The following KIAA1549L variants were observed in gnomAD, a reference collection of about 807,000 sequenced individuals.
KIAA1549L encodes the protein KIAA1549 like, also known as UPF0606 protein KIAA1549L.
In KIAA1549L, 88 loss-of-function variants were observed where a neutral mutation model predicts 160.7. The observed-to-expected ratio is 0.55, with a 90% CI of 0.46 to 0.65. The LOEUF (loss-of-function observed/expected upper bound fraction) is 0.65. Ranked by LOEUF, KIAA1549L falls within the 30% of genes least tolerant of loss-of-function variation. KIAA1549L has a pLI of 0.00. For missense variants in KIAA1549L, 2,258 were observed against 2,437.5 expected, an observed-to-expected ratio of 0.93 and a Z score of 1.55; for synonymous variants, 950 against 976.7, an observed-to-expected ratio of 0.97 and a Z score of 0.51.
At chr11:33,530,259 G>A (rs1443556323) in intron 1 of KIAA1549L, among the ~76,000 whole-genome samples, 5 of 144,488 alleles carry the variant, frequency 3.5e-5, no homozygotes, top group East Asian at 2.0e-4. Flanking sequence ...AAAATTAGCC[G>A]GGCGTGATAG....
chr11:33,523,922 T>G (rs1469517372), intron 1 of KIAA1549L, among the ~76,000 whole-genome samples: 1 of 152,218 alleles, frequency 6.6e-6, no homozygotes, highest in South Asian at 2.1e-4. Context: ...TTTATTTATG[T>G]ACATATTTTG....
intron 6 of KIAA1549L, among the ~76,000 whole-genome samples, chr11:33,554,792 C>T: frequency 6.6e-6 from 1 of 152,116 alleles, no homozygotes; most frequent in Middle Eastern, 3.2e-3. Context: ...AAATGGTTCC[C>T]TGAGGAAAAT....
rs1281478705 is a variant in KIAA1549L at position 33,674,018 on chromosome 11, T to C, written c.*5864T>C. 6.6e-6 allele frequency: 1 copy of C among 152,250 alleles called. No individual in the cohort carries two copies. The highest frequency in any genetic ancestry group is 1.5e-5 in the Non-Finnish European group (1 of 68,038). The allele number at this position is 152,250 out of a possible 1,614,324, so 9.4% of individuals were successfully genotyped here. A position where few individuals can be genotyped will look rare whatever the true frequency, so the allele number is the denominator to read the frequency against. On this transcript the variant is annotated 3_prime_UTR_variant, in exon 21 of 21. Coordinates refer to ENST00000658780, the MANE Select transcript of KIAA1549L (RefSeq NM_012194.3). Reference sequence around the variant, plus strand: ...CTTTCTAATGAACTTTGTACGTCCTTAGCCTCTGCCGGGAACAGAGTGTTC... The same window carrying C: ...CTTTCTAATGAACTTTGTACGTCCTCAGCCTCTGCCGGGAACAGAGTGTTC...
chr11:33,423,224 A>G (rs1851054710), intron 1 of KIAA1549L, among the ~76,000 whole-genome samples: 1 of 152,206 alleles, frequency 6.6e-6, no homozygotes, highest in Non-Finnish European at 1.5e-5. Flanking sequence ...TTGAGACACT[A>G]AAAGGGTTAG....
rs192457230 is a variant in KIAA1549L, at chr11:33,455,429, A to C, written c.238+78540A>C. On this transcript the variant is annotated intron_variant, in intron 1 of 20. Transcript: ENST00000658780. ...TACTTTTGGACATTAAAGCTTTAGA[A>C]AGTCAGGGGGAGACAAGATTCCTGG... Among the ~76,000 whole-genome samples the C allele has an allele frequency of 3.9e-5, 6 of 152,336 alleles. 1 individual carries two copies. Among genetic ancestry groups the C allele is most frequent in the Admixed American group, 3.9e-4 (6 of 15,306 alleles).
At chr11:33,406,530 A>T in intron 1 of KIAA1549L, among the ~76,000 whole-genome samples, 1 of 152,234 alleles carries the variant, frequency 6.6e-6, no homozygotes, top group Non-Finnish European at 1.5e-5. Context: ...TAGATGGGGA[A>T]GCTGGAACTC....
intron 9 of KIAA1549L, among the ~76,000 whole-genome samples, chr11:33,569,770 C>T (rs1448095320): frequency 2.6e-5 from 4 of 152,136 alleles, no homozygotes; most frequent in East Asian, 1.9e-4. Flanking sequence ...GTTAAGCTTG[C>T]GTGTCAGGTT....
At chr11:33,406,380 A>C (rs1463122400) in intron 1 of KIAA1549L, among the ~76,000 whole-genome samples, 2 of 152,144 alleles carry the variant, frequency 1.3e-5, no homozygotes, top group Non-Finnish European at 2.9e-5. Flanking sequence ...TCACACGTGC[A>C]CGGGCCATAT....
intron 1 of KIAA1549L, among the ~76,000 whole-genome samples, chr11:33,424,451 GT>G (rs912874826): frequency 6.6e-6 from 1 of 151,752 alleles, no homozygotes; most frequent in Non-Finnish European, 1.5e-5. Flanking sequence ...GCCTGTTTTT[GT>G]TTCCTAATCT....
chr11:33,613,712 G>GT (rs1850706613), intron 15 of KIAA1549L, among the ~76,000 whole-genome samples: 1 of 151,990 alleles, frequency 6.6e-6, no homozygotes, highest in African/African-American at 2.4e-5. Context: ...ATGAGATATG[G>GT]GTGGAGACAA....
intron 1 of KIAA1549L, among the ~76,000 whole-genome samples, chr11:33,438,683 G>A (rs1851429800): frequency 6.6e-6 from 1 of 152,162 alleles, no homozygotes; most frequent in Non-Finnish European, 1.5e-5. Context: ...CTTTGGAATT[G>A]CTGTCATTTA....
At chr11:33,531,636 T>C (rs1479779319) in intron 1 of KIAA1549L, among the ~76,000 whole-genome samples, 2 of 152,226 alleles carry the variant, frequency 1.3e-5, no homozygotes, top group East Asian at 3.8e-4. Flanking sequence ...CAGAATCTTC[T>C]ATTTGCTGGC....
intron 1 of KIAA1549L, among the ~76,000 whole-genome samples, chr11:33,490,729 A>T (rs903994817): frequency 2.6e-5 from 4 of 152,212 alleles, no homozygotes; most frequent in Non-Finnish European, 5.9e-5. Context: ...GCAGTTAGAA[A>T]TGTTAGCAGG....
intron 1 of KIAA1549L, among the ~76,000 whole-genome samples, chr11:33,475,669 A>G (rs1171874158): frequency 6.7e-6 from 1 of 150,300 alleles, no homozygotes; most frequent in Non-Finnish European, 1.5e-5. Context: ...TCTGGGCAAT[A>G]TAGCAAGACC....
chr11:33,583,820 G>A (rs1335768847), intron 11 of KIAA1549L, among the ~76,000 whole-genome samples: 2 of 152,130 alleles, frequency 1.3e-5, no homozygotes, highest in Non-Finnish European at 2.9e-5. Flanking sequence ...GACATGAAAG[G>A]GATTTTAGAG....
intron 11 of KIAA1549L, among the ~76,000 whole-genome samples, chr11:33,585,817 T>C (rs1849853072): frequency 6.6e-6 from 1 of 152,236 alleles, no homozygotes; most frequent in Non-Finnish European, 1.5e-5. Context: ...TAGCTCCTTC[T>C]GCGTCCTACT....
chr11:33,601,816 C>T (rs573267678), intron 13 of KIAA1549L, among the ~76,000 whole-genome samples: 1 of 152,198 alleles, frequency 6.6e-6, no homozygotes, highest in African/African-American at 2.4e-5. Flanking sequence ...TTCTGCTAGC[C>T]AGATGGCTGG....
At position 33,542,752 on chromosome 11, in the gene KIAA1549L, G is replaced by A. The variant is rs1228044310; in HGVS notation, c.1189G>A (p.Val397Met). 1.2e-6 allele frequency: 2 copies of A among 1,613,880 alleles called. No homozygotes were observed. Among genetic ancestry groups the A allele is most frequent in the African/African-American group, 2.7e-5 (2 of 74,956 alleles). ...QQIKAGVPGR[V>M]HNGVSLPTFK... ...GATCAAAGCTGGGGTGCCTGGAAGA[G>A]TGCACAATGGGGTGTCTTTGCCAAC... The change falls in exon 2 of 21, where the codon GTG (valine) becomes ATG (methionine). Residue 397 changes from valine to methionine, a missense_variant. This residue lies in a region of KIAA1549L where 540 missense variants were observed against 465.7 expected (regional missense o/e 1.16). Coordinates refer to ENST00000658780, the MANE Select transcript of KIAA1549L (RefSeq NM_012194.3).
intron 16 of KIAA1549L, among the ~76,000 whole-genome samples, chr11:33,643,744 G>A (rs1259730611): frequency 1.3e-5 from 2 of 152,226 alleles, no homozygotes; most frequent in African/African-American, 2.4e-5. Flanking sequence ...CTCCCCATAT[G>A]TAAAATGGGG....
Sources: allele counts gnomAD v4.1 joint callset (sites outside exome capture counted in the v4.1 genomes callset), GRCh38; gene constraint gnomAD v4.1.1; regional missense constraint gnomAD v4.1.1; transcripts MANE v1.5; gene names NCBI Gene and HGNC (gene_info 2026-07-23, HGNC 2026-07-21).